Variants in CDYL2 observed in about 807,000 individuals in gnomAD.
The protein encoded by CDYL2 is chromodomain Y like 2.
CDYL2 carries 23 observed loss-of-function variants against 49.4 expected under a neutral mutation model. The ratio of observed to expected loss-of-function variants is 0.47; its 90% CI spans 0.34 to 0.66. CDYL2 has a LOEUF of 0.66. CDYL2 is among the 30% of genes least tolerant of loss of function. CDYL2 has a pLI of 0.01. For synonymous variants in CDYL2, 360 were observed against 268.8 expected, an observed-to-expected ratio of 1.34 and a Z score of -3.32; for missense variants, 678 against 656.4, an observed-to-expected ratio of 1.03 and a Z score of -0.36.
chr16:80,733,167 G>A (rs142641824), intron 1 of CDYL2, among the ~76,000 whole-genome samples: 104 of 152,304 alleles, frequency 6.8e-4, no homozygotes, highest in Non-Finnish European at 1.4e-3. Context: ...CCTGGGAGAA[G>A]TATAGAGTTA....
chr16:80,782,582 T>C (rs138480037), intron 1 of CDYL2, among the ~76,000 whole-genome samples: 10 of 110,816 alleles, frequency 9.0e-5, no homozygotes, highest in Non-Finnish European at 1.6e-4. Flanking sequence ...ACAATATAGA[T>C]GCAAAAAATT....
At chr16:80,705,455 G>T (rs183840552) in intron 1 of CDYL2, among the ~76,000 whole-genome samples, 1 of 152,354 alleles carries the variant, frequency 6.6e-6, no homozygotes, top group African/African-American at 2.4e-5. Flanking sequence ...TCCTTCTAGG[G>T]AGCCCATCTG....
At chr16:80,635,192 A>T (rs750147934) in intron 2 of CDYL2, among the ~76,000 whole-genome samples, 2 of 152,218 alleles carry the variant, frequency 1.3e-5, no homozygotes, top group Non-Finnish European at 2.9e-5. Context: ...AATAGGCTAA[A>T]AGAAGAAAAA....
chr16:80,740,628 G>C (rs892183307), intron 1 of CDYL2, among the ~76,000 whole-genome samples: 2 of 152,132 alleles, frequency 1.3e-5, no homozygotes, highest in African/African-American at 4.8e-5. Context: ...CCAAGTGAAT[G>C]AACTGAAATA....
At chr16:80,706,747 G>T (rs1391277023) in intron 1 of CDYL2, among the ~76,000 whole-genome samples, 1 of 152,222 alleles carries the variant, frequency 6.6e-6, no homozygotes, top group Non-Finnish European at 1.5e-5. Flanking sequence ...AACAAAGGAA[G>T]TAGAGGCAGG....
At chr16:80,636,015 A>G (rs1161607064) in intron 2 of CDYL2, among the ~76,000 whole-genome samples, 1 of 152,252 alleles carries the variant, frequency 6.6e-6, no homozygotes, top group African/African-American at 2.4e-5. Context: ...AGCCATATGC[A>G]GAAAACTGAA....
chr16:80,691,091 G>A (rs557259956), intron 1 of CDYL2, among the ~76,000 whole-genome samples: 15 of 151,856 alleles, frequency 9.9e-5, no homozygotes, highest in Non-Finnish European at 1.9e-4. Context: ...AGACATCCAC[G>A]CCTACAGCCT....
rs1168044651 is a variant in CDYL2 at position 80,751,781 on chromosome 16, C to T, written c.24+52369G>A. 3.3e-5 allele frequency among the ~76,000 whole-genome samples: 5 copies of T among 152,172 alleles called. No individual in the cohort carries two copies. The East Asian group carries it at 7.7e-4, about 23-fold the overall frequency. On this transcript the variant is annotated intron_variant, in intron 1 of 6. Transcript: ENST00000570137. Reference sequence around the variant, plus strand: ...CAAAAGTAAATACTCAAGTCTTTCACTTAGGAAGAGAGGGATAATCAGAGA... The same window carrying T: ...CAAAAGTAAATACTCAAGTCTTTCATTTAGGAAGAGAGGGATAATCAGAGA...
intron 1 of CDYL2, among the ~76,000 whole-genome samples, chr16:80,714,901 G>C (rs1473422828): frequency 6.6e-6 from 1 of 152,078 alleles, no homozygotes; most frequent in Non-Finnish European, 1.5e-5. Context: ...GATTTCTCGA[G>C]CAGGATTAAA....
intron 1 of CDYL2, among the ~76,000 whole-genome samples, chr16:80,757,539 A>C (rs1344855673): frequency 9.4e-6 from 1 of 106,910 alleles, no homozygotes; most frequent in Admixed American, 8.3e-5. Context: ...ACTCTGTCTC[A>C]AAAAAAAAAA....
At chr16:80,638,624 T>C (rs759466464) in intron 2 of CDYL2, among the ~76,000 whole-genome samples, 1 of 151,558 alleles carries the variant, frequency 6.6e-6, no homozygotes, top group South Asian at 2.1e-4. Context: ...AAAGAACAGA[T>C]ACATGCATCA....
In CDYL2 at chr16:80,612,503, G is replaced by A. The variant is rs1424785066; in HGVS notation, c.1218+123C>T. ...GCACTGAAGGTGTGAAGGACATGAGGCAGCCAAGCCAATCTGCAGGCTGAC... is the reference window on the plus strand; with the variant it reads ...GCACTGAAGGTGTGAAGGACATGAGACAGCCAAGCCAATCTGCAGGCTGAC... On this transcript the variant is annotated intron_variant, in intron 5 of 6. Transcript: ENST00000570137. This position sits in a 1 kb window ranked among gnomAD's most constrained non-coding sequence, Gnocchi z 5.0. 1.2e-5 allele frequency: 11 copies of A among 940,290 alleles called. No individual in the cohort carries two copies. In the East Asian group the frequency reaches 2.5e-4, roughly 21 times the overall value. The allele number at this position is 940,290 out of a possible 1,614,324, so 58.2% of individuals were successfully genotyped here.
intron 1 of CDYL2, among the ~76,000 whole-genome samples, chr16:80,759,122 A>ATATGGTTTT (rs1555535899): frequency 1.6e-4 from 20 of 127,854 alleles, no homozygotes; most frequent in African/African-American, 5.3e-4. Flanking sequence ...ATATATATAT[A>ATATGGTTTT]TATATATATA....
intron 1 of CDYL2, among the ~76,000 whole-genome samples, chr16:80,697,034 G>C (rs557878512): frequency 6.6e-6 from 1 of 152,168 alleles, no homozygotes; most frequent in East Asian, 1.9e-4. Context: ...AAAGTAAAAT[G>C]ATAAACTGAA....
intron 1 of CDYL2, among the ~76,000 whole-genome samples, chr16:80,692,393 T>G (rs1910452231): frequency 6.6e-6 from 1 of 152,298 alleles, no homozygotes; most frequent in South Asian, 2.1e-4. Context: ...ATAGCCCAAG[T>G]GGTCCTTCAG....
At chr16:80,734,189 A>G (rs576041534) in intron 1 of CDYL2, among the ~76,000 whole-genome samples, 1 of 152,334 alleles carries the variant, frequency 6.6e-6, no homozygotes, top group South Asian at 2.1e-4. Context: ...GTATTTCAAT[A>G]GAGTTACCCA....
At chr16:80,685,174 G>A (rs1308155010) in intron 1 of CDYL2, 45 bp from the exon 2 acceptor site, 4 of 1,494,114 alleles carry the variant, frequency 2.7e-6, no homozygotes, top group South Asian at 2.5e-5. Flanking sequence ...AGAGAGGGAG[G>A]AAAAAACTCA....
chr16:80,617,437 G>C (rs911291099), intron 4 of CDYL2, among the ~76,000 whole-genome samples: 1 of 152,230 alleles, frequency 6.6e-6, no homozygotes, highest in Non-Finnish European at 1.5e-5. Flanking sequence ...GTCCACAGGA[G>C]CAGGCACAGA....
chr16:80,750,836 G>C (rs1473116232), intron 1 of CDYL2, among the ~76,000 whole-genome samples: 1 of 152,140 alleles, frequency 6.6e-6, no homozygotes, highest in Non-Finnish European at 1.5e-5. Flanking sequence ...TGGCTAAACA[G>C]TGAAACCCCG....
Sources: allele counts gnomAD v4.1 joint callset (sites outside exome capture counted in the v4.1 genomes callset), GRCh38; gene constraint gnomAD v4.1.1; non-coding constraint Gnocchi (gnomAD v3.1); transcripts MANE v1.5; gene names NCBI Gene and HGNC (gene_info 2026-07-23, HGNC 2026-07-21).